The following MMP2 variants were observed in gnomAD, a reference collection of about 807,000 sequenced individuals.
MMP2 encodes 72 kDa type IV collagenase.
Under a neutral mutation model 74.8 loss-of-function variants are expected in MMP2, and 39 were observed. That is an observed-to-expected ratio of 0.52 (90% confidence interval 0.40 to 0.68). The LOEUF (loss-of-function observed/expected upper bound fraction) is 0.68. Ranked by LOEUF, MMP2 falls within the 30% of genes least tolerant of loss-of-function variation. The pLI, the probability that MMP2 is intolerant of heterozygous loss-of-function variation, is 0.00. For missense variants in MMP2, 803 were observed against 878.3 expected (o/e 0.91, Z 1.08); for synonymous variants, 367 against 339.8 (o/e 1.08, Z -0.88).
intron 8 of MMP2, among the ~76,000 whole-genome samples, chr16:55,492,479 G>T (rs1962435191): frequency 6.7e-6 from 1 of 149,476 alleles, no homozygotes; most frequent in Non-Finnish European, 1.5e-5. Flanking sequence ...ATTTATTGTT[G>T]GTTCTTACAG....
intron 9 of MMP2, among the ~76,000 whole-genome samples, chr16:55,494,650 G>A (rs1962491400): frequency 6.6e-6 from 1 of 152,256 alleles, no homozygotes; most frequent in African/African-American, 2.4e-5. Context: ...TCTGGGGCTA[G>A]GCCCCAGGAA....
chr16:55,488,350 G>T (rs1348687859), intron 5 of MMP2, 193 bp from the exon 6 acceptor site: 8 of 628,178 alleles, frequency 1.3e-5, no homozygotes, highest in African/African-American at 7.3e-5. Flanking sequence ...GAGGGATTGG[G>T]ATAACCAGGG....
At chr16:55,498,163 T>A (rs1195453423) in intron 10 of MMP2, 126 bp from the exon 11 acceptor site, 18 of 1,233,220 alleles carry the variant, frequency 1.5e-5, no homozygotes, top group Non-Finnish European at 1.9e-5. Context: ...CAACCAGGAG[T>A]GAGCAGGAAG....
chr16:55,482,873 G>A (rs1567372722), intron 1 of MMP2, 36 bp from the exon 2 acceptor site: 1 of 1,572,992 alleles, frequency 6.4e-7, no homozygotes. Flanking sequence ...CCATCCTAAT[G>A]TGGCTAATTG....
rs952391253 is a variant in MMP2 at position 55,499,767 on chromosome 16, C to T, written c.1769+1319C>T. ...TATAGCTACTTCTCTTGTATTCTAA[C>T]TGAGTACCCCCTCCACTATACCTGC... On this transcript the variant is annotated intron_variant, in intron 11 of 12. Coordinates refer to ENST00000219070, the MANE Select transcript of MMP2 (RefSeq NM_004530.6). Among the ~76,000 whole-genome samples the T allele has an allele frequency of 9.2e-5, 14 of 152,206 alleles. No homozygotes were observed. The East Asian group carries it at 1.3e-3, about 15-fold the overall frequency.
intron 7 of MMP2, 121 bp downstream of exon 7, chr16:55,489,945 C>G (rs757563425): frequency 3.6e-6 from 4 of 1,123,586 alleles, no homozygotes; most frequent in Non-Finnish European, 5.2e-6. Flanking sequence ...CAGACACCCA[C>G]CTACCCAGAC....
chr16:55,502,805 A>C lies in MMP2; in HGVS notation c.1796A>C (p.Asp599Ala). The part of the protein sequence containing the change: ...WRYNEVKKKM[D>A]PGFPKLIADA... ...TACAATGAGGTGAAGAAGAAAATGG[A>C]TCCTGGCTTCCCCAAGCTCATCGCA... is the stretch of plus-strand genomic sequence containing the variant. Residue 599 changes from aspartate to alanine, a missense_variant, in exon 12 of 13, where the codon GAT becomes GCT. By Grantham distance (126) the Asp-to-Ala change is moderately radical. Transcript: ENST00000219070. 1 of 1,614,038 alleles carries C rather than the reference A, an allele frequency of 6.2e-7. No individual in the cohort carries two copies. The highest frequency in any genetic ancestry group is 8.5e-7 in the Non-Finnish European group (1 of 1,179,974).
At chr16:55,487,432 C>T (rs1962286530) in intron 5 of MMP2, 1 of 152,294 alleles carries the variant, frequency 6.6e-6, no homozygotes, top group African/African-American at 2.4e-5. Flanking sequence ...TCTGAGGCCA[C>T]TAAGGTATCT....
At chr16:55,505,172 C>T (rs1236343066) in intron 12 of MMP2, among the ~76,000 whole-genome samples, 167 bp from the exon 13 acceptor site, 2 of 152,124 alleles carry the variant, frequency 1.3e-5, no homozygotes, top group East Asian at 1.9e-4. Context: ...CCAAGCTGGT[C>T]TCGAACTCCT....
In MMP2 at chr16:55,493,217, C is replaced by T. The variant is rs1162477997; in HGVS notation, c.1396C>T (p.Pro466Ser). Reference protein sequence around the residue: ...GPTPTLGPVTPEICKQDIVFD... With the variant: ...GPTPTLGPVTSEICKQDIVFD... ...CACCCCCACGCTGGGCCCTGTCACT[C>T]CTGAGATCTGCAAACAGGACATTGT... The change falls in exon 9 of 13, where the codon CCT becomes TCT. Residue 466 changes from proline to serine, a missense_variant. Around this residue, in one of 3 missense-constraint regions of MMP2, gnomAD observed 555 missense variants for 592.0 expected, o/e 0.94. Coordinates refer to ENST00000219070, the MANE Select transcript of MMP2 (RefSeq NM_004530.6). 4 of 1,614,010 alleles carry T rather than the reference C, an allele frequency of 2.5e-6. No homozygotes were observed. The highest frequency in any genetic ancestry group is 3.4e-6 in the Non-Finnish European group (4 of 1,180,032).
At chr16:55,502,995 C>T (rs1343989128) in intron 12 of MMP2, 107 bp downstream of exon 12, 4 of 898,692 alleles carry the variant, frequency 4.5e-6, no homozygotes, top group Non-Finnish European at 5.3e-6. Flanking sequence ...GGCAGGCAGG[C>T]GGCGCCCAGG....
chr16:55,498,568 C>A, intron 11 of MMP2, 120 bp downstream of exon 11: 1 of 1,292,096 alleles, frequency 7.7e-7, no homozygotes, highest in Non-Finnish European at 1.1e-6. Context: ...GATGCCCTCT[C>A]TCTGGTATCT....
At chr16:55,498,220 A>G (rs1962577004) in intron 10 of MMP2, 69 bp from the exon 11 acceptor site, 2 of 1,596,156 alleles carry the variant, frequency 1.3e-6, no homozygotes, top group Non-Finnish European at 8.6e-7. Flanking sequence ...GGACAGACAG[A>G]TGATGGGAGG....
At chr16:55,497,145 C>T (rs1345799881) in intron 10 of MMP2, 83 bp downstream of exon 10, 11 of 1,583,900 alleles carry the variant, frequency 6.9e-6, no homozygotes, top group East Asian at 2.2e-5. Context: ...CTCACTCCCC[C>T]TCTCAAACCA....
chr16:55,485,894 GC>G, intron 5 of MMP2, 117 bp downstream of exon 5: 2 of 1,088,712 alleles, frequency 1.8e-6, no homozygotes, highest in Non-Finnish European at 2.8e-6. Context: ...CAGTTAATGA[GC>G]ATCCCTCCAA....
Position 55,505,584 on chromosome 16 carries a change from T to C in MMP2, c.*142T>C. The C allele has an allele frequency of 1.4e-6, 1 of 732,510 alleles. No individual in the cohort carries two copies. Among genetic ancestry groups the C allele is most frequent in the Non-Finnish European group, 2.4e-6 (1 of 412,234 alleles). 45.4% of individuals were successfully genotyped at this position (732,510 alleles called of 1,614,324 possible). On this transcript the variant is annotated 3_prime_UTR_variant, in exon 13 of 13. Coordinates refer to ENST00000219070, the MANE Select transcript of MMP2 (RefSeq NM_004530.6). ...CAGCATTCTCACTCCTACCTGGTAA[T>C]TTAAGATTCCAGAGAGTGGCTCCTC...
chr16:55,505,386 C>T lies in MMP2; in HGVS notation c.1927C>T (p.Gln643Ter). The T allele has an allele frequency of 6.2e-7, 1 of 1,614,112 alleles. No homozygotes were observed. The highest frequency in any genetic ancestry group is 8.5e-7 in the Non-Finnish European group (1 of 1,180,022). ...TGCCTATTACCTGAAGCTGGAGAAC[C>T]AAAGTCTGAAGAGCGTGAAGTTTGG... ...KGAYYLKLEN[Q>*]SLKSVKFGSI... The change falls in exon 13 of 13, where the codon CAA (glutamine) becomes TAA (stop). Residue 643 changes from glutamine (Q) to a stop codon, truncating the protein, a stop_gained. Transcript: ENST00000219070. LOFTEE classifies it high-confidence loss of function.
At position 55,479,346 on chromosome 16, in the gene MMP2, C is replaced by G; in HGVS notation, c.-134C>G. 8.8e-7 allele frequency: 1 copy of G among 1,133,596 alleles called. No homozygotes were observed. Among genetic ancestry groups the G allele is most frequent in the East Asian group, 3.4e-5 (1 of 29,422 alleles). The allele number at this position is 1,133,596 out of a possible 1,614,324, so 70.2% of individuals were successfully genotyped here. Reference sequence around the variant, plus strand: ...ACCATGAGCCGCTGAGCCGGGCAAACCCCAGGCCACCGAGCCAGCGGACCC... The same window carrying G: ...ACCATGAGCCGCTGAGCCGGGCAAAGCCCAGGCCACCGAGCCAGCGGACCC... On this transcript the variant is annotated 5_prime_UTR_variant, in exon 1 of 13. Coordinates refer to ENST00000219070, the MANE Select transcript of MMP2 (RefSeq NM_004530.6).
At chr16:55,479,172 T>G, upstream of MMP2, 1 of 208,306 alleles carries the variant, frequency 4.8e-6, no homozygotes, top group Non-Finnish European at 9.5e-6. Context: ...GCCGGCTACA[T>G]CTGGCGGCTG....
Sources: allele counts gnomAD v4.1 joint callset (sites outside exome capture counted in the v4.1 genomes callset), GRCh38; gene constraint gnomAD v4.1.1; regional missense constraint gnomAD v4.1.1; transcripts MANE v1.5; gene names NCBI Gene and HGNC (gene_info 2026-07-23, HGNC 2026-07-21).